The following DDX17 variants were observed in gnomAD, a reference collection of about 807,000 sequenced individuals.
The protein encoded by DDX17 is probable ATP-dependent RNA helicase DDX17.
Under a neutral mutation model 80.8 loss-of-function variants are expected in DDX17, and 10 were observed. That is an observed-to-expected ratio of 0.12 (90% CI 0.08 to 0.21). The LOEUF is 0.21. Ranked by LOEUF, DDX17 falls within the 10% of genes least tolerant of loss-of-function variation. DDX17 has a pLI of 1.00. For synonymous variants in DDX17, 339 were observed against 336.2 expected (o/e 1.01, Z -0.09); for missense variants, 586 against 957.4 (o/e 0.61, Z 5.12).
chr22:38,504,218 C>A (rs766390171), intron 1 of DDX17, among the ~76,000 whole-genome samples: 97 of 152,342 alleles, frequency 6.4e-4, no homozygotes, highest in Non-Finnish European at 1.1e-3. Flanking sequence ...ATGTGTCACC[C>A]TACCACAACG....
Position 38,506,103 on chromosome 22 carries a change from T to G in DDX17, c.135A>C (p.Thr45=). 1 of 1,578,386 alleles carries G rather than the reference T, an allele frequency of 6.3e-7. No individual in the cohort carries two copies. The change falls in exon 1 of 13, where the codon ACA becomes ACC. Residue 45 remains threonine, a synonymous_variant. Transcript: ENST00000403230. ...CGACCGATGGCGGCGGCGCCTCCGC[T>G]GTTGGGGCGGCGGCAGGCGCAGCGC...
In DDX17 at chr22:38,501,230, G is replaced by C; in HGVS notation, c.338C>G (p.Pro113Arg). Residue 113 changes from proline (P) to arginine (R), a missense_variant, in exon 2 of 13, where the codon CCT becomes CGT. Physicochemically the swap from Pro to Arg is moderately radical, Grantham distance 103. Around this residue, in one of 4 missense-constraint regions of DDX17, gnomAD observed 215 missense variants for 238.4 expected, o/e 0.90. Transcript: ENST00000403230. ...CTTTTTTTTACGCAAACGCTCCCCAGGATTACCAAATTTCTTCGGGGGAAG... is the reference window on the plus strand; with the variant it reads ...CTTTTTTTTACGCAAACGCTCCCCACGATTACCAAATTTCTTCGGGGGAAG... 1 of 1,612,918 alleles carries C rather than the reference G, an allele frequency of 6.2e-7. No individual in the cohort carries two copies. The highest frequency in any genetic ancestry group is 8.5e-7 in the Non-Finnish European group (1 of 1,179,474).
Position 38,501,256 on chromosome 22 carries a change from GCCA to G in DDX17, c.309_311del (p.Gly104del), listed in dbSNP as rs764635587. 1.2e-6 allele frequency: 2 copies of G among 1,611,578 alleles called. No individual in the cohort carries two copies. Among genetic ancestry groups the G allele is most frequent in the African/African-American group, 2.7e-5 (2 of 74,830 alleles). Reference sequence around the variant, plus strand: ...GATTACCAAATTTCTTCGGGGGAAGGCCACCACCACCTCTTGCTCCAAATCTAG... The same window carrying G: ...GATTACCAAATTTCTTCGGGGGAAGGCCACCACCTCTTGCTCCAAATCTAG... On this transcript the variant is annotated inframe_deletion, in exon 2 of 13. Transcript: ENST00000403230.
At chr22:38,490,214 T>C in intron 11 of DDX17, 1 of 1,209,428 alleles carries the variant, frequency 8.3e-7, no homozygotes, top group South Asian at 1.5e-5. Flanking sequence ...TTGCTGCCTT[T>C]CTAGAAGATG....
intron 6 of DDX17, among the ~76,000 whole-genome samples, 198 bp from the exon 7 acceptor site, chr22:38,495,244 C>CTG (rs1183578247): frequency 2.4e-5 from 1 of 42,266 alleles, no homozygotes; most frequent in East Asian, 5.4e-4. Flanking sequence ...TGCAGAGAAG[C>CTG]TATTTTTTTT....
Position 38,488,135 on chromosome 22 carries a change from T to A in DDX17, c.1448-20A>T, listed in dbSNP as rs750654453. 5.6e-6 allele frequency: 9 copies of A among 1,613,880 alleles called. 1 individual carries two copies. The highest frequency in any genetic ancestry group is 7.6e-6 in the Non-Finnish European group (9 of 1,179,992). ...CCACATCTTCCACGTCAATGATGAG[T>A]CAGTGTGTAGGTTGATGTGGCAGGG... On this transcript the variant is annotated intron_variant, in intron 11 of 12. Transcript: ENST00000403230.
chr22:38,506,095 G>C lies in DDX17; in HGVS notation c.143C>G (p.Ala48Gly). The C allele has an allele frequency of 1.9e-6, 3 of 1,577,166 alleles. No homozygotes were observed. The highest frequency in any genetic ancestry group is 1.7e-6 in the Non-Finnish European group (2 of 1,162,238). Residue 48 changes from alanine (A) to glycine (G), a missense_variant, in exon 1 of 13, where the codon GCG becomes GGG. This residue lies in a region of DDX17 where 215 missense variants were observed against 238.4 expected (regional missense o/e 0.90). Transcript: ENST00000403230. ...TCTGGTGACGACCGATGGCGGCGGC[G>C]CCTCCGCTGTTGGGGCGGCGGCAGG...
At chr22:38,494,174 T>C (rs372851386) in intron 8 of DDX17, 43 bp from the exon 9 acceptor site, 187 of 1,335,880 alleles carry the variant, frequency 1.4e-4, no homozygotes, top group Non-Finnish European at 1.8e-4. Context: ...CAGAAAGTTA[T>C]TATGTGGACG....
chr22:38,490,606 A>G (rs1348002012), intron 11 of DDX17: 1 of 481,490 alleles, frequency 2.1e-6, no homozygotes, highest in African/African-American at 2.0e-5. Context: ...GGAACATTTA[A>G]GAGACCATCG....
intron 1 of DDX17, 138 bp downstream of exon 1, chr22:38,505,813 C>G: frequency 1.7e-6 from 2 of 1,151,800 alleles, no homozygotes; most frequent in African/African-American, 1.6e-5. Flanking sequence ...CGCACGAAAC[C>G]GCTGTCTCGC....
chr22:38,499,094 G>C (rs1435814461), intron 3 of DDX17, among the ~76,000 whole-genome samples: 2 of 152,136 alleles, frequency 1.3e-5, no homozygotes, highest in Non-Finnish European at 2.9e-5. Flanking sequence ...GCATCTAACA[G>C]GACATGGGAA....
chr22:38,495,725 T>C (rs199860935), intron 6 of DDX17, 71 bp downstream of exon 6: 79 of 1,316,358 alleles, frequency 6.0e-5, no homozygotes, highest in Middle Eastern at 4.5e-4. Context: ...CCACTTTTTT[T>C]CTCCAATTTC....
chr22:38,506,296 G>A lies in DDX17; in HGVS notation c.-59C>T, dbSNP rs530901751. 6 of 1,494,568 alleles carry A rather than the reference G, an allele frequency of 4.0e-6. No homozygotes were observed. Among genetic ancestry groups the A allele is most frequent in the Non-Finnish European group, 2.7e-6 (3 of 1,123,300 alleles). 92.6% of individuals were successfully genotyped at this position (1,494,568 alleles called of 1,614,324 possible). On this transcript the variant is annotated 5_prime_UTR_variant, in exon 1 of 13. Transcript: ENST00000403230. ...TTTAGGCGTCTCCTTCCTTCCCAGC[G>A]ACTGCACAAAATGGCGGCCGCCGCT...
chr22:38,490,968 A>G (rs2089708158), intron 11 of DDX17: 2 of 154,450 alleles, frequency 1.3e-5, no homozygotes, highest in Non-Finnish European at 2.9e-5. Flanking sequence ...CAAGATGCAC[A>G]AAGAAGCTAC....
intron 2 of DDX17, among the ~76,000 whole-genome samples, 161 bp downstream of exon 2, chr22:38,500,969 A>G (rs1184833616): frequency 5.4e-5 from 3 of 55,656 alleles, no homozygotes; most frequent in African/African-American, 9.5e-5. Flanking sequence ...GGTCTCTACA[A>G]AAAGGAAAAA....
Position 38,485,889 on chromosome 22 carries a change from T to TTAAAATG in DDX17, c.*39_*45dup. On this transcript the variant is annotated 3_prime_UTR_variant, in exon 13 of 13. Coordinates refer to ENST00000403230, the MANE Select transcript of DDX17 (RefSeq NM_006386.5). ...AAAAAAAAAGGAAAGACAGTGTTCCTTAAAATGTAATTAAGTCTGCTGGAG... is the reference window on the plus strand; with the variant it reads ...AAAAAAAAAGGAAAGACAGTGTTCCTTAAAATGTAAAATGTAATTAAGTCTGCTGGAG... 1 of 1,586,254 alleles carries TTAAAATG rather than the reference T, an allele frequency of 6.3e-7. No homozygotes were observed.
In DDX17 at chr22:38,506,264, G is replaced by C; in HGVS notation, c.-27C>G. On this transcript the variant is annotated 5_prime_UTR_variant, in exon 1 of 13. Transcript: ENST00000403230. The stretch of plus-strand genomic sequence containing the variant: ...TTTGGCTACGCTCAAACCGGGCAGT[G>C]CCGCGGTTTAGGCGTCTCCTTCCTT... 6.3e-7 allele frequency: 1 copy of C among 1,576,662 alleles called. No individual in the cohort carries two copies. Among genetic ancestry groups the C allele is most frequent in the East Asian group, 2.3e-5 (1 of 43,236 alleles).
rs980329287 is a variant in DDX17, at chr22:38,489,806, A to C, written c.1448-1691T>G. 2 of 985,544 alleles carry C rather than the reference A, an allele frequency of 2.0e-6. No homozygotes were observed. The highest frequency in any genetic ancestry group is 6.1e-5 in the Admixed American group (1 of 16,274). 61.0% of individuals were successfully genotyped at this position (985,544 alleles called of 1,614,324 possible). A position where few individuals can be genotyped will look rare whatever the true frequency, so the allele number is the denominator to read the frequency against. ...TCCGGCTAGGGTCGTTGACGCAACAAAGGAAAAAAGAATTTACAGGGCCAG... is the reference window on the plus strand; with the variant it reads ...TCCGGCTAGGGTCGTTGACGCAACACAGGAAAAAAGAATTTACAGGGCCAG... On this transcript the variant is annotated intron_variant, in intron 11 of 12. Transcript: ENST00000403230. The surrounding 1 kb of genome is among the most constrained non-coding windows in gnomAD (Gnocchi z 4.6).
chr22:38,490,562 A>G (rs1339362677), intron 11 of DDX17: 6 of 761,772 alleles, frequency 7.9e-6, no homozygotes, highest in Admixed American at 3.2e-5. Flanking sequence ...GATGACTATT[A>G]TAAAATTATG....
Sources: gnomAD v4.1 joint callset for allele counts (sites outside exome capture counted in the v4.1 genomes callset) on GRCh38, gnomAD v4.1.1 for gene constraint, gnomAD v4.1.1 regional missense constraint, Gnocchi (gnomAD v3.1) non-coding constraint, MANE v1.5 for transcripts, NCBI Gene and HGNC (gene_info 2026-07-23, HGNC 2026-07-21) for gene names.